RAB38: variants seen among roughly 807,000 people sequenced by gnomAD.
RAB38 encodes ras-related protein Rab-38.
RAB38 carries 15 observed loss-of-function variants against 18.4 expected under a neutral mutation model. That is an observed-to-expected ratio of 0.82 (90% CI 0.55 to 1.26). The LOEUF is 1.26. RAB38 is among the 50% of genes most tolerant of loss of function. RAB38 has a pLI of 0.00. For synonymous variants in RAB38, 101 were observed against 104.4 expected (o/e 0.97, Z 0.20); for missense variants, 294 against 267.4 (o/e 1.10, Z -0.69).
At chr11:87,961,392 G>A in the RAB38 span, among the ~76,000 whole-genome samples, 1 of 152,188 alleles carries the variant, frequency 6.6e-6, no homozygotes, top group South Asian at 2.1e-4. Context: ...AGTGTCCTGA[G>A]CTGGCTGGGG....
chr11:88,023,856 A>C, the RAB38 span, among the ~76,000 whole-genome samples: 1,633 of 152,282 alleles, frequency 0.011, 12 homozygotes, highest in Non-Finnish European at 0.017. Flanking sequence ...AAAAGAATGA[A>C]ACTTGATCCA....
At chr11:88,174,620 C>CAAAAAAA (rs60026669) in intron 1 of RAB38, among the ~76,000 whole-genome samples, 318 of 100,700 alleles carry the variant, frequency 3.2e-3, no homozygotes, top group East Asian at 6.7e-3. Context: ...AAGCAAAAAG[C>CAAAAAAA]AAAAAAAAAA....
At chr11:88,111,009 G>C (rs1041514206), downstream of RAB38, among the ~76,000 whole-genome samples, 1 of 152,058 alleles carries the variant, frequency 6.6e-6, no homozygotes, top group Admixed American at 6.6e-5. Context: ...GACAGAGACA[G>C]TAAGAATACT....
chr11:88,080,002 A>G, the RAB38 span, among the ~76,000 whole-genome samples: 4 of 151,808 alleles, frequency 2.6e-5, no homozygotes, highest in African/African-American at 9.7e-5. Flanking sequence ...AATATATACT[A>G]TCATTATTTC....
At chr11:88,083,991 A>T in the RAB38 span, among the ~76,000 whole-genome samples, 1 of 151,982 alleles carries the variant, frequency 6.6e-6, no homozygotes, top group Non-Finnish European at 1.5e-5. Context: ...CCCATATCCT[A>T]GAATTGTGCC....
chr11:88,050,217 G>A, the RAB38 span: 1 of 152,176 alleles, frequency 6.6e-6, no homozygotes, highest in Non-Finnish European at 1.5e-5. Flanking sequence ...AGAAAAAACT[G>A]TGACATTGTC....
chr11:87,871,005 A>G, the RAB38 span, among the ~76,000 whole-genome samples: 1 of 151,718 alleles, frequency 6.6e-6, no homozygotes, highest in Admixed American at 6.6e-5. Flanking sequence ...TTTTATAGCC[A>G]TATTTTATGT....
chr11:88,157,682 A>C (rs769372127), intron 1 of RAB38, among the ~76,000 whole-genome samples: 2 of 152,268 alleles, frequency 1.3e-5, no homozygotes, highest in East Asian at 3.9e-4. Flanking sequence ...GCATTACCGA[A>C]ATCTCTCAAA....
the RAB38 span, among the ~76,000 whole-genome samples, chr11:87,878,273 T>TCTAA: frequency 7.3e-6 from 1 of 136,162 alleles, no homozygotes; most frequent in Non-Finnish European, 1.5e-5. Flanking sequence ...TATCTATCTA[T>TCTAA]CTATCTATCT....
chr11:88,110,451 C>A (rs1425700665), downstream of RAB38, among the ~76,000 whole-genome samples: 1 of 152,002 alleles, frequency 6.6e-6, no homozygotes, highest in East Asian at 1.9e-4. Context: ...CAGCAAACCA[C>A]CATGGCACAT....
At chr11:88,095,686 C>A in the RAB38 span, among the ~76,000 whole-genome samples, 4 of 151,928 alleles carry the variant, frequency 2.6e-5, no homozygotes, top group South Asian at 2.1e-4. Context: ...TTCTTCTCAA[C>A]TCTAGTATTA....
At chr11:87,882,667 G>A in the RAB38 span, among the ~76,000 whole-genome samples, 17 of 151,936 alleles carry the variant, frequency 1.1e-4, no homozygotes, top group South Asian at 6.2e-4. Context: ...AGAATAGGGT[G>A]TGATAATGAA....
the RAB38 span, among the ~76,000 whole-genome samples, chr11:87,886,751 T>A: frequency 6.6e-6 from 1 of 151,614 alleles, no homozygotes; most frequent in South Asian, 2.1e-4. Context: ...GAAAGAAAGA[T>A]GAGCTGATTA....
At chr11:87,963,921 C>A in the RAB38 span, among the ~76,000 whole-genome samples, 1 of 152,212 alleles carries the variant, frequency 6.6e-6, no homozygotes, top group African/African-American at 2.4e-5. Flanking sequence ...GCTGGGATTA[C>A]AAGCGTGAGC....
chr11:87,967,096 T>G, the RAB38 span, among the ~76,000 whole-genome samples: 1 of 152,232 alleles, frequency 6.6e-6, no homozygotes, highest in Admixed American at 6.6e-5. Context: ...TAATTTGATT[T>G]TCAAATTTAA....
chr11:88,031,891 T>C, the RAB38 span, among the ~76,000 whole-genome samples: 6 of 152,062 alleles, frequency 3.9e-5, no homozygotes, highest in South Asian at 2.1e-4. Flanking sequence ...TTGAAGTTCA[T>C]ATGGAAGCAA....
rs752629250 is a variant in RAB38 at position 88,175,254 on chromosome 11, A to G, written c.131T>C (p.Val44Ala). ...FSSHYRATIG[V>A]DFALKVLHWD... ...GTGGAGCACCTTGAGCGCGAAGTCC[A>G]CGCCGATTGTGGCCCGGTAGTGCGA... Residue 44 changes from valine (V) to alanine (A), a missense_variant, in exon 1 of 3, where the codon GTG becomes GCG. Val to Ala is a moderately conservative substitution (Grantham distance 64). Coordinates refer to ENST00000243662, the MANE Select transcript of RAB38 (RefSeq NM_022337.3). 2 of 1,614,108 alleles carry G rather than the reference A, an allele frequency of 1.2e-6. No individual in the cohort carries two copies. The highest frequency in any genetic ancestry group is 2.2e-5 in the East Asian group (1 of 44,866).
At chr11:87,973,520 G>C in the RAB38 span, among the ~76,000 whole-genome samples, 1 of 152,080 alleles carries the variant, frequency 6.6e-6, no homozygotes, top group South Asian at 2.1e-4. Flanking sequence ...CCCTGTCTAC[G>C]GTGCTGGAGA....
At chr11:88,017,268 T>A in the RAB38 span, among the ~76,000 whole-genome samples, 3 of 152,220 alleles carry the variant, frequency 2.0e-5, no homozygotes, top group East Asian at 5.8e-4. Flanking sequence ...TGTACCTATG[T>A]GCATAAATGT....
Sources: gnomAD v4.1 joint callset for allele counts (sites outside exome capture counted in the v4.1 genomes callset) on GRCh38, gnomAD v4.1.1 for gene constraint, MANE v1.5 for transcripts, NCBI Gene and HGNC (gene_info 2026-07-23, HGNC 2026-07-21) for gene names.